The following RNLS variants were observed in gnomAD, a reference collection of about 807,000 sequenced individuals.
RNLS encodes renalase.
RNLS carries 39 observed loss-of-function variants against 39.8 expected under a neutral mutation model. That is an observed-to-expected ratio of 0.98 (90% CI 0.76 to 1.28). RNLS has a LOEUF of 1.28. RNLS is among the 50% of genes most tolerant of loss of function. The probability of loss-of-function intolerance (pLI) is 0.00; values close to 1 mark genes in which losing one functional copy is unlikely to be tolerated. For missense variants in RNLS, 410 were observed against 413.3 expected, an observed-to-expected ratio of 0.99 and a Z score of 0.07; for synonymous variants, 147 against 150.7, an observed-to-expected ratio of 0.98 and a Z score of 0.18.
intron 4 of RNLS, among the ~76,000 whole-genome samples, chr10:88,465,266 T>C (rs1048007559): frequency 6.6e-6 from 1 of 152,126 alleles, no homozygotes; most frequent in African/African-American, 2.4e-5. Flanking sequence ...TCAAGAGTTG[T>C]TATTTAGGCA....
chr10:88,261,367 C>A, the RNLS span, among the ~76,000 whole-genome samples: 1 of 152,172 alleles, frequency 6.6e-6, no homozygotes, highest in Non-Finnish European at 1.5e-5. Flanking sequence ...TAACAAACAC[C>A]AGTTATCAGT....
At chr10:88,172,326 G>A in the RNLS span, among the ~76,000 whole-genome samples, 1 of 152,084 alleles carries the variant, frequency 6.6e-6, no homozygotes, top group East Asian at 1.9e-4. Flanking sequence ...CAGCATCCTT[G>A]CAAGCATTTG....
the RNLS span, among the ~76,000 whole-genome samples, chr10:88,235,821 G>A: frequency 6.6e-6 from 1 of 151,594 alleles, no homozygotes; most frequent in Non-Finnish European, 1.5e-5. Context: ...TGTTGTTATT[G>A]CTGTTGTTTT....
At chr10:88,406,220 G>A (rs952035291) in intron 4 of RNLS, among the ~76,000 whole-genome samples, 5 of 152,162 alleles carry the variant, frequency 3.3e-5, no homozygotes, top group East Asian at 3.9e-4. Flanking sequence ...ATATTTTTGC[G>A]ATTAATTTCC....
the RNLS span, among the ~76,000 whole-genome samples, chr10:88,216,394 T>C: frequency 6.6e-6 from 1 of 152,234 alleles, no homozygotes; most frequent in East Asian, 1.9e-4. Context: ...ATTTTTCCTA[T>C]CTTTCATCTC....
intron 4 of RNLS, among the ~76,000 whole-genome samples, chr10:88,381,095 C>A (rs1851459932): frequency 6.6e-6 from 1 of 152,102 alleles, no homozygotes; most frequent in African/African-American, 2.4e-5. Flanking sequence ...TCTAATTTTT[C>A]TTCCCCCAGA....
At chr10:88,312,836 C>T (rs1845483244) in intron 6 of RNLS, among the ~76,000 whole-genome samples, 1 of 151,590 alleles carries the variant, frequency 6.6e-6, no homozygotes, top group Non-Finnish European at 1.5e-5. Context: ...ATAGAGATTT[C>T]CAATATGCCC....
chr10:88,319,779 T>C (rs1256306268), intron 5 of RNLS, among the ~76,000 whole-genome samples: 1 of 151,972 alleles, frequency 6.6e-6, no homozygotes, highest in Non-Finnish European at 1.5e-5. Context: ...TTGAAAAATA[T>C]GGGATTATGT....
intron 4 of RNLS, among the ~76,000 whole-genome samples, chr10:88,403,650 A>G (rs1419535715): frequency 6.6e-6 from 1 of 151,948 alleles, no homozygotes; most frequent in Non-Finnish European, 1.5e-5. Flanking sequence ...AATAAAAGAC[A>G]ATTTAGTGGG....
the RNLS span, among the ~76,000 whole-genome samples, chr10:88,201,081 A>C: frequency 6.6e-6 from 1 of 151,922 alleles, no homozygotes; most frequent in South Asian, 2.1e-4. Flanking sequence ...CTTTCTTAGC[A>C]ATCAGCTTCT....
chr10:88,259,025 C>T, the RNLS span: 3 of 152,216 alleles, frequency 2.0e-5, no homozygotes, highest in Non-Finnish European at 4.4e-5. Context: ...TTAAATCATT[C>T]TGTAATTCTA....
intron 4 of RNLS, among the ~76,000 whole-genome samples, chr10:88,552,895 C>T (rs1037863290): frequency 2.0e-5 from 3 of 152,128 alleles, no homozygotes; most frequent in Non-Finnish European, 4.4e-5. Flanking sequence ...GACTTAAAGT[C>T]ATGATAAAAA....
At chr10:88,211,231 C>T in the RNLS span, among the ~76,000 whole-genome samples, 22 of 152,200 alleles carry the variant, frequency 1.4e-4, no homozygotes, top group Admixed American at 6.6e-4. Context: ...GAATTCTTGG[C>T]CTGTCATTCA....
At chr10:88,497,424 A>G (rs1039382729) in intron 4 of RNLS, among the ~76,000 whole-genome samples, 43 of 152,052 alleles carry the variant, frequency 2.8e-4, no homozygotes, top group African/African-American at 1.0e-3. Context: ...CCAAATACAT[A>G]AATAAATAAA....
At chr10:88,494,380 G>A (rs1475325929) in intron 4 of RNLS, among the ~76,000 whole-genome samples, 1 of 151,966 alleles carries the variant, frequency 6.6e-6, no homozygotes, top group East Asian at 1.9e-4. Context: ...CTCTCTTCTG[G>A]GCCAGTGGGG....
chr10:88,176,166 A>G, the RNLS span, among the ~76,000 whole-genome samples: 1 of 137,154 alleles, frequency 7.3e-6, no homozygotes, highest in African/African-American at 2.6e-5. Flanking sequence ...AGGCAGCCTT[A>G]GCCTATCTTT....
intron 4 of RNLS, among the ~76,000 whole-genome samples, chr10:88,454,789 G>C (rs954356492): frequency 6.6e-6 from 1 of 152,198 alleles, no homozygotes; most frequent in East Asian, 1.9e-4. Context: ...GATAAACGTA[G>C]GGGTGTATGG....
chr10:88,258,097 T>A, the RNLS span, among the ~76,000 whole-genome samples: 1 of 152,320 alleles, frequency 6.6e-6, no homozygotes, highest in Non-Finnish European at 1.5e-5. Context: ...TTTCCTCGTC[T>A]CTGAGAAATC....
chr10:88,503,477 T>A (rs1033471450), intron 4 of RNLS, among the ~76,000 whole-genome samples: 5 of 152,104 alleles, frequency 3.3e-5, no homozygotes, highest in African/African-American at 1.2e-4. Flanking sequence ...TAAGACAAAC[T>A]ACTCAAATTT....
Sources: allele counts gnomAD v4.1 joint callset (sites outside exome capture counted in the v4.1 genomes callset), GRCh38; gene constraint gnomAD v4.1.1; transcripts MANE v1.5; gene names NCBI Gene and HGNC (gene_info 2026-07-23, HGNC 2026-07-21).